ANKRD11: variants seen among roughly 807,000 people sequenced by gnomAD.
The protein encoded by ANKRD11 is ankyrin repeat domain 11.
ANKRD11 carries 17 observed loss-of-function variants against 195.7 expected under a neutral mutation model. That is an observed-to-expected ratio of 0.09 (90% CI 0.06 to 0.13). The LOEUF is 0.13. Among genes scored for constraint, ANKRD11 ranks in the 10% least tolerant of loss-of-function variants. ANKRD11 has a pLI of 1.00. For missense variants in ANKRD11, 3,735 were observed against 3,566.1 expected (o/e 1.05, Z -1.21); for synonymous variants, 1,953 against 1,528.1 (o/e 1.28, Z -6.49).
intron 1 of ANKRD11, among the ~76,000 whole-genome samples, chr16:89,485,938 T>C (rs2057597407): frequency 6.6e-6 from 1 of 152,188 alleles, no homozygotes; most frequent in Non-Finnish European, 1.5e-5. Context: ...TTACAGTCAC[T>C]GAGACCTTGA....
At chr16:89,329,182 A>G (rs2037914574) in intron 2 of ANKRD11, among the ~76,000 whole-genome samples, 1 of 151,812 alleles carries the variant, frequency 6.6e-6, no homozygotes, top group Non-Finnish European at 1.5e-5. Context: ...ACAGGCGGGG[A>G]CTCCGTGAGG....
At chr16:89,364,276 C>A (rs1247577868) in intron 2 of ANKRD11, among the ~76,000 whole-genome samples, 2 of 152,206 alleles carry the variant, frequency 1.3e-5, no homozygotes, top group Middle Eastern at 3.2e-3. Context: ...CAGCCTAATG[C>A]AGCTTCATGA....
intron 1 of ANKRD11, among the ~76,000 whole-genome samples, chr16:89,466,820 GC>G (rs2056902594): frequency 1.3e-5 from 2 of 152,184 alleles, no homozygotes. Flanking sequence ...GGCGGCAGGG[GC>G]CCTCCCGCAA....
rs966198136 is a variant in ANKRD11 at position 89,285,819 on chromosome 16, C to CA, written c.893-171dup. On this transcript the variant is annotated intron_variant, in intron 8 of 12. Transcript: ENST00000301030. The surrounding 1 kb of genome is among the most constrained non-coding windows in gnomAD (Gnocchi z 5.6). ...CAGCCACAGGCAGGAGGAAACCAGA[C>CA]AGAGCTCAGCTGACAGACAGGGCTG... Among the ~76,000 whole-genome samples the CA allele has an allele frequency of 5.3e-4, 80 of 152,358 alleles. No individual in the cohort carries two copies. Among genetic ancestry groups the CA allele is most frequent in the Non-Finnish European group, 1.0e-3 (70 of 68,028 alleles).
rs1290351782 is a variant in ANKRD11, at chr16:89,463,304, A to T, written c.-145+26941T>A. On this transcript the variant is annotated intron_variant, in intron 1 of 12. Transcript: ENST00000301030. ...CTGTGTAGAAAGAAGTAGACATGGG[A>T]GACTTTTCATTTTGTTCTGTACTAA... Among the ~76,000 whole-genome samples the T allele has an allele frequency of 2.6e-5, 4 of 152,274 alleles. No individual in the cohort carries two copies. The East Asian group carries it at 7.7e-4, about 29-fold the overall frequency.
In ANKRD11 at chr16:89,280,892, A is replaced by G; in HGVS notation, c.5650T>C (p.Ser1884Pro). The part of the protein sequence containing the change: ...TVTPSPEGVF[S>P]SLQAKPSPSP... ...GGGGAAGGTTTTGCTTGTAAACTTGAGAAGACGCCCTCTGGAGACGGGGTG... is the reference window on the plus strand; with the variant it reads ...GGGGAAGGTTTTGCTTGTAAACTTGGGAAGACGCCCTCTGGAGACGGGGTG... Residue 1884 changes from serine to proline, a missense_variant, in exon 9 of 13, where the codon TCA (serine) becomes CCA (proline). By Grantham distance (74) the Ser-to-Pro change is moderately conservative. Transcript: ENST00000301030. 1 of 1,603,940 alleles carries G rather than the reference A, an allele frequency of 6.2e-7. No homozygotes were observed. The highest frequency in any genetic ancestry group is 8.5e-7 in the Non-Finnish European group (1 of 1,172,784).
chr16:89,364,072 A>C (rs2039847140), intron 2 of ANKRD11, among the ~76,000 whole-genome samples: 1 of 151,544 alleles, frequency 6.6e-6, no homozygotes, highest in Non-Finnish European at 1.5e-5. Flanking sequence ...TTTAAAACAC[A>C]CACACACACA....
Position 89,356,724 on chromosome 16 carries a change from T to C in ANKRD11, c.-59-39646A>G, listed in dbSNP as rs1597770761. Among the ~76,000 whole-genome samples the C allele has an allele frequency of 4.4e-5, 6 of 135,964 alleles. No homozygotes were observed. The Admixed American group carries it at 4.9e-4, about 11-fold the overall frequency. 89.2% of individuals were successfully genotyped at this position (135,964 alleles called of 152,430 possible). The stretch of plus-strand genomic sequence containing the variant: ...TGAACCCGGGAGGCCGAGCTTGCAG[T>C]GAGCCAAGATCGCACCACTGCACTC... On this transcript the variant is annotated intron_variant, in intron 2 of 12. Transcript: ENST00000301030.
rs151200412 is a variant in ANKRD11 at position 89,283,101 on chromosome 16, G to A, written c.3441C>T (p.Asp1147=). ...GTCCTTCCTCCTTCTCCTGGAGGCC[G>A]TCCGTCCTCGGCAAGTCGCTGGCCT... The part of the protein sequence containing the change: ...MGEASDLPRT[D]GLQEKEEGRE... The change falls in exon 9 of 13, where the codon GAC becomes GAT. Residue 1147 remains aspartate, a synonymous_variant. Transcript: ENST00000301030. This position sits in a 1 kb window ranked among gnomAD's most constrained non-coding sequence, Gnocchi z 4.3. 3.7e-5 allele frequency: 59 copies of A among 1,613,762 alleles called. No individual in the cohort carries two copies. Among genetic ancestry groups the A allele is most frequent in the African/African-American group, 8.0e-5 (6 of 74,892 alleles).
chr16:89,349,909 CACAT>C (rs746930871), intron 2 of ANKRD11, among the ~76,000 whole-genome samples: 13,297 of 100,142 alleles, frequency 0.13, 669 homozygotes, highest in Middle Eastern at 0.24. Context: ...CACACACACA[CACAT>C]ATTCAAACAA....
chr16:89,438,288 G>A (rs563357999), intron 1 of ANKRD11, among the ~76,000 whole-genome samples: 18 of 151,924 alleles, frequency 1.2e-4, no homozygotes, highest in East Asian at 9.7e-4. Flanking sequence ...TGCAGAAGGC[G>A]TAGGAAGCTA....
chr16:89,324,549 G>A lies in ANKRD11; in HGVS notation c.-59-7471C>T, dbSNP rs1332208788. The A allele has an allele frequency of 6.6e-6, 3 of 455,850 alleles. No homozygotes were observed. In the Admixed American group the frequency reaches 7.1e-5, roughly 11 times the overall value. The allele number at this position is 455,850 out of a possible 1,614,324, so 28.2% of individuals were successfully genotyped here. On this transcript the variant is annotated intron_variant, in intron 2 of 12. Transcript: ENST00000301030. ...AGATTCACATTGAGTCAGTGGACGG[G>A]GAGAGGCCGACGAACCCTCCATCTG...
At position 89,285,352 on chromosome 16, in the gene ANKRD11, A is replaced by G; in HGVS notation, c.1190T>C (p.Ile397Thr). Residue 397 changes from isoleucine (I) to threonine (T), a missense_variant, in exon 9 of 13, where the codon ATT becomes ACT. By Grantham distance (89) the Ile-to-Thr change is moderately conservative (BLOSUM62 -1). Transcript: ENST00000301030. The surrounding 1 kb of genome is among the most constrained non-coding windows in gnomAD (Gnocchi z 5.6). The stretch of plus-strand genomic sequence containing the variant: ...ACGATGGGACGCTTTCTTTGGTGCA[A>G]TCGTGTTATTTTTAGTGTAACTTTT... ...EVKSYTKNNT[I>T]APKKASHRIL... The G allele has an allele frequency of 6.2e-7, 1 of 1,613,900 alleles. No individual in the cohort carries two copies. The highest frequency in any genetic ancestry group is 8.5e-7 in the Non-Finnish European group (1 of 1,180,012).
intron 1 of ANKRD11, among the ~76,000 whole-genome samples, chr16:89,449,605 C>G: frequency 6.6e-6 from 1 of 151,912 alleles, no homozygotes; most frequent in Non-Finnish European, 1.5e-5. Context: ...ACCAGCCTGA[C>G]CAACATGGAG....
chr16:89,282,225 C>A lies in ANKRD11; in HGVS notation c.4317G>T (p.Lys1439Asn), dbSNP rs61743619. The A allele has an allele frequency of 6.2e-7, 1 of 1,613,722 alleles. No homozygotes were observed. The highest frequency in any genetic ancestry group is 1.1e-5 in the South Asian group (1 of 91,076). ...AAGGCTTTAGTTCCTTTTCTATTTT[C>A]TTGGAAGGTTCTCTCTCGGAATCAT... ...DKNDSEREPS[K>N]KIEKELKPYG... The change falls in exon 9 of 13, where the codon AAG (lysine) becomes AAT (asparagine). Residue 1439 changes from lysine (K) to asparagine (N), a missense_variant. Physicochemically the swap from Lys to Asn is moderately conservative, Grantham distance 94. Transcript: ENST00000301030.
chr16:89,334,104 T>C lies in ANKRD11; in HGVS notation c.-59-17026A>G, dbSNP rs2038206422. 4.4e-5 allele frequency among the ~76,000 whole-genome samples: 6 copies of C among 135,938 alleles called. No individual in the cohort carries two copies. In the South Asian group the frequency reaches 1.1e-3, roughly 26 times the overall value. The allele number at this position is 135,938 out of a possible 152,430, so 89.2% of individuals were successfully genotyped here. On this transcript the variant is annotated intron_variant, in intron 2 of 12. Coordinates refer to ENST00000301030, the MANE Select transcript of ANKRD11 (RefSeq NM_013275.6). Reference sequence around the variant, plus strand: ...AGGTGGGTGGATCACTTAAGCCCAGTTCAAGACCAGCCTGGGTAACATGAT... The same window carrying C: ...AGGTGGGTGGATCACTTAAGCCCAGCTCAAGACCAGCCTGGGTAACATGAT...
Position 89,281,685 on chromosome 16 carries a change from C to T in ANKRD11, c.4857G>A (p.Lys1619=). 3 of 1,614,186 alleles carry T rather than the reference C, an allele frequency of 1.9e-6. No individual in the cohort carries two copies. Among genetic ancestry groups the T allele is most frequent in the Non-Finnish European group, 2.5e-6 (3 of 1,180,036 alleles). Residue 1619 remains lysine (K), a synonymous_variant, in exon 9 of 13, where the codon AAG becomes AAA. Transcript: ENST00000301030. This position sits in a 1 kb window ranked among gnomAD's most constrained non-coding sequence, Gnocchi z 5.5. ...EKLRHRSGDP[K]LKEKAKPADD... ...CTGCCGGCTTCGCCTTCTCCTTGAG[C>T]TTGGGGTCTCCGGACCGGTGCCTCA...
intron 2 of ANKRD11, among the ~76,000 whole-genome samples, chr16:89,377,419 C>T (rs1480316907): frequency 6.6e-6 from 1 of 150,508 alleles, no homozygotes; most frequent in African/African-American, 2.5e-5. Context: ...TGTGATTCCA[C>T]AGGGTTTACA....
Position 89,358,609 on chromosome 16 carries a change from A to C in ANKRD11, c.-59-41531T>G, listed in dbSNP as rs534654993. Among the ~76,000 whole-genome samples the C allele has an allele frequency of 5.9e-5, 9 of 152,336 alleles. No homozygotes were observed. The East Asian group carries it at 1.7e-3, about 29-fold the overall frequency. On this transcript the variant is annotated intron_variant, in intron 2 of 12. Coordinates refer to ENST00000301030, the MANE Select transcript of ANKRD11 (RefSeq NM_013275.6). The stretch of plus-strand genomic sequence containing the variant: ...ATGTACTCACAAAAACTTTAAAAAT[A>C]ATAATTAATAAATAAACAGAATGAC...
Sources: gnomAD v4.1 joint callset for allele counts (sites outside exome capture counted in the v4.1 genomes callset) on GRCh38, gnomAD v4.1.1 for gene constraint, Gnocchi (gnomAD v3.1) non-coding constraint, MANE v1.5 for transcripts, NCBI Gene and HGNC (gene_info 2026-07-23, HGNC 2026-07-21) for gene names.